Variants in U2SURP observed in about 807,000 individuals in gnomAD.
U2SURP encodes the protein U2 snRNP associated SURP domain containing.
U2SURP carries 9 observed loss-of-function variants against 144.9 expected under a neutral mutation model. The observed-to-expected ratio is 0.06, with a 90% CI of 0.04 to 0.11. U2SURP has a LOEUF of 0.11. Among genes scored for constraint, U2SURP ranks in the 10% least tolerant of loss-of-function variants. U2SURP has a pLI of 1.00. For missense variants in U2SURP, 724 were observed against 1,226.7 expected, an observed-to-expected ratio of 0.59 and a Z score of 6.12; for synonymous variants, 408 against 396.8, an observed-to-expected ratio of 1.03 and a Z score of -0.33.
intron 1 of U2SURP, among the ~76,000 whole-genome samples, chr3:143,008,122 T>G (rs1310907673): frequency 6.6e-6 from 1 of 152,264 alleles, no homozygotes; most frequent in Non-Finnish European, 1.5e-5. Context: ...GTTTGCAAAT[T>G]TATCAAATTG....
chr3:143,010,726 G>A, intron 1 of U2SURP, 89 bp from the exon 2 acceptor site: 1 of 990,302 alleles, frequency 1.0e-6, no homozygotes, highest in Non-Finnish European at 1.4e-6. Context: ...CCAGAAGTTA[G>A]GAAACTCTTA....
In U2SURP at chr3:143,001,602, G is replaced by T; in HGVS notation, c.-27G>T. ...TGCTCGACTCGCCCGTGCTGCTGCCGCCGCCGAAGGAGGGGCAAAGCTCAA... is the reference window on the plus strand; with the variant it reads ...TGCTCGACTCGCCCGTGCTGCTGCCTCCGCCGAAGGAGGGGCAAAGCTCAA... On this transcript the variant is annotated 5_prime_UTR_variant, in exon 1 of 28. Coordinates refer to ENST00000473835, the MANE Select transcript of U2SURP (RefSeq NM_001080415.2). 1 of 1,613,480 alleles carries T rather than the reference G, an allele frequency of 6.2e-7. No homozygotes were observed. The highest frequency in any genetic ancestry group is 2.2e-5 in the East Asian group (1 of 44,856).
intron 8 of U2SURP, 113 bp from the exon 9 acceptor site, chr3:143,021,233 CTCTT>C: frequency 8.9e-7 from 1 of 1,129,262 alleles, no homozygotes; most frequent in Non-Finnish European, 1.3e-6. Context: ...GAAGTGGTCT[CTCTT>C]TTTGTCTCTC....
At chr3:143,051,617 A>AAG (rs1302792398) in intron 25 of U2SURP, among the ~76,000 whole-genome samples, 67 of 149,430 alleles carry the variant, frequency 4.5e-4, no homozygotes, top group Admixed American at 3.6e-3. Context: ...AAAAAAAAAA[A>AAG]AAAAGAAAAA....
At chr3:143,041,595 G>T (rs1160216430) in intron 23 of U2SURP, among the ~76,000 whole-genome samples, 1 of 151,868 alleles carries the variant, frequency 6.6e-6, no homozygotes. Flanking sequence ...ATTCTGAATT[G>T]ACAGCCTTTC....
chr3:143,006,631 A>T (rs1935848094), intron 1 of U2SURP, among the ~76,000 whole-genome samples: 1 of 151,958 alleles, frequency 6.6e-6, no homozygotes, highest in Non-Finnish European at 1.5e-5. Flanking sequence ...GGCACATGCT[A>T]CTCGGGAGGC....
At chr3:143,011,256 G>A (rs1477905164) in intron 2 of U2SURP, among the ~76,000 whole-genome samples, 1 of 152,112 alleles carries the variant, frequency 6.6e-6, no homozygotes, top group African/African-American at 2.4e-5. Context: ...ATAATGTTCT[G>A]TGGTGGGGAA....
At chr3:143,015,555 A>G (rs1936331104) in intron 4 of U2SURP, among the ~76,000 whole-genome samples, 1 of 152,088 alleles carries the variant, frequency 6.6e-6, no homozygotes, top group South Asian at 2.1e-4. Context: ...TGTGGTGTCA[A>G]GAATAGATTA....
intron 13 of U2SURP, chr3:143,026,260 A>G (rs891835938): frequency 2.0e-5 from 3 of 152,210 alleles, no homozygotes; most frequent in South Asian, 2.1e-4. Flanking sequence ...AGTCAATAAA[A>G]TGACTGTACT....
intron 3 of U2SURP, 137 bp downstream of exon 3, chr3:143,012,490 G>T (rs1461461783): frequency 1.2e-6 from 1 of 823,518 alleles, no homozygotes; most frequent in Non-Finnish European, 1.7e-6. Flanking sequence ...CATTCTTTTT[G>T]TATTTGGGAT....
intron 20 of U2SURP, 92 bp downstream of exon 20, chr3:143,036,196 A>AT: frequency 7.5e-7 from 1 of 1,325,874 alleles, no homozygotes; most frequent in East Asian, 2.6e-5. Flanking sequence ...TGTGAGGTAC[A>AT]TTTCTTTGTG....
intron 8 of U2SURP, 89 bp downstream of exon 8, chr3:143,020,782 CA>C: frequency 2.1e-6 from 2 of 947,562 alleles, no homozygotes; most frequent in Non-Finnish European, 1.7e-6. Context: ...CAAGGATCAC[CA>C]GTGGATGTCT....
chr3:143,022,010 AT>A (rs1316376146), intron 10 of U2SURP, among the ~76,000 whole-genome samples: 1 of 152,188 alleles, frequency 6.6e-6, no homozygotes, highest in African/African-American at 2.4e-5. Context: ...TAAAAATTAT[AT>A]TTTGCATATA....
intron 1 of U2SURP, among the ~76,000 whole-genome samples, chr3:143,009,493 G>A (rs1368895352): frequency 6.6e-6 from 1 of 152,080 alleles, no homozygotes; most frequent in Non-Finnish European, 1.5e-5. Flanking sequence ...AGCTACCCAG[G>A]AGGCTGAGGG....
intron 17 of U2SURP, 86 bp from the exon 18 acceptor site, chr3:143,033,185 A>T: frequency 2.2e-6 from 2 of 909,114 alleles, no homozygotes; most frequent in Non-Finnish European, 3.4e-6. Flanking sequence ...GCTTCATATA[A>T]CTCTTCTAAT....
At chr3:143,042,157 G>T (rs1356954008) in intron 23 of U2SURP, among the ~76,000 whole-genome samples, 1 of 151,996 alleles carries the variant, frequency 6.6e-6, no homozygotes, top group Non-Finnish European at 1.5e-5. Context: ...TTTCTTCTTT[G>T]TATCCTAAGT....
rs1935229959 is a variant in U2SURP, at chr3:143,058,093, C to A, written c.*1643C>A. On this transcript the variant is annotated 3_prime_UTR_variant, in exon 28 of 28. Coordinates refer to ENST00000473835, the MANE Select transcript of U2SURP (RefSeq NM_001080415.2). The stretch of plus-strand genomic sequence containing the variant: ...TAAAAGTGAACATTTGGTGCTGATA[C>A]TCAAAAACCTACAAATGTAGCCATT... The A allele has an allele frequency of 6.6e-6, 1 of 152,362 alleles. No homozygotes were observed. Among genetic ancestry groups the A allele is most frequent in the African/African-American group, 2.4e-5 (1 of 41,430 alleles). The allele number at this position is 152,362 out of a possible 1,614,324, so 9.4% of individuals were successfully genotyped here. A position where few individuals can be genotyped will look rare whatever the true frequency, so the allele number is the denominator to read the frequency against.
rs1932980139 is a variant in U2SURP at position 143,024,005 on chromosome 3, A to G, written c.1261A>G (p.Ile421Val). The change falls in exon 13 of 28, where the codon ATC becomes GTC. Residue 421 changes from isoleucine to valine, a missense_variant. Physicochemically the swap from Ile to Val is conservative, Grantham distance 29. Coordinates refer to ENST00000473835, the MANE Select transcript of U2SURP (RefSeq NM_001080415.2). ...GTCGCAAGCCATAGTCAAAGTGGTT[A>G]TCCCAACAGAAAGGTACATGTTTTT... is the stretch of plus-strand genomic sequence containing the variant. ...TLSQAIVKVVIPTERNLLALI... is the reference protein window; with the variant it reads ...TLSQAIVKVVVPTERNLLALI... 1 of 1,613,006 alleles carries G rather than the reference A, an allele frequency of 6.2e-7. No homozygotes were observed. The highest frequency in any genetic ancestry group is 2.2e-5 in the East Asian group (1 of 44,802).
intron 24 of U2SURP, among the ~76,000 whole-genome samples, chr3:143,049,231 ACTCCAGTC>A (rs1934712036): frequency 7.1e-6 from 1 of 141,122 alleles, no homozygotes; most frequent in African/African-American, 2.7e-5. Flanking sequence ...GTGCCACTGC[ACTCCAGTC>A]TGGGCAACAG....
Sources: gnomAD v4.1 joint callset for allele counts (sites outside exome capture counted in the v4.1 genomes callset) on GRCh38, gnomAD v4.1.1 for gene constraint, MANE v1.5 for transcripts, NCBI Gene and HGNC (gene_info 2026-07-23, HGNC 2026-07-21) for gene names.